Variants in SLC9A2 observed in about 807,000 individuals in gnomAD.
SLC9A2 encodes the protein solute carrier family 9 member A2.
SLC9A2 carries 42 observed loss-of-function variants against 71.7 expected under a neutral mutation model. The observed-to-expected ratio is 0.59, with a 90% confidence interval of 0.46 to 0.76. The LOEUF is 0.76. Ranked by LOEUF, SLC9A2 falls within the 30% of genes least tolerant of loss-of-function variation. The pLI is 0.00. For synonymous variants in SLC9A2, 396 were observed against 392.5 expected, an observed-to-expected ratio of 1.01 and a Z score of -0.10; for missense variants, 829 against 1,017.4, an observed-to-expected ratio of 0.81 and a Z score of 2.52.
In SLC9A2 at chr2:102,702,521, G is replaced by T. The variant is rs1469767825; in HGVS notation, c.1845+19G>T. The T allele has an allele frequency of 7.1e-7, 1 of 1,412,372 alleles. No homozygotes were observed. The highest frequency in any genetic ancestry group is 1.4e-5 in the African/African-American group (1 of 69,298). 87.5% of individuals were successfully genotyped at this position (1,412,372 alleles called of 1,614,324 possible). ...TCAGCGAGTAAGAATAATTTATGTA[G>T]CAAAATATTTACTTACCTTTGGCTA... On this transcript the variant is annotated intron_variant, in intron 9 of 11. Transcript: ENST00000233969.
intron 9 of SLC9A2, among the ~76,000 whole-genome samples, chr2:102,703,102 G>A (rs967767752): frequency 6.6e-6 from 1 of 152,178 alleles, no homozygotes; most frequent in East Asian, 1.9e-4. Flanking sequence ...GGGCCACACA[G>A]CTTGTCAGGA....
rs1239890609 is a variant in SLC9A2 at position 102,702,432 on chromosome 2, A to T, written c.1775A>T (p.Lys592Met). 2 of 1,596,138 alleles carry T rather than the reference A, an allele frequency of 1.3e-6. No individual in the cohort carries two copies. The highest frequency in any genetic ancestry group is 1.8e-5 in the Admixed American group (1 of 55,876). Reference sequence around the variant, plus strand: ...GATTGTCGTGAAGAAAAAATAAGGAAGGTCACGTCCAGTGAAACTGATGAA... The same window carrying T: ...GATTGTCGTGAAGAAAAAATAAGGATGGTCACGTCCAGTGAAACTGATGAA... ...LNDCREEKIR[K>M]VTSSETDEIR... The change falls in exon 9 of 12, where the codon AAG (lysine) becomes ATG (methionine). Residue 592 changes from lysine to methionine, a missense_variant. Coordinates refer to ENST00000233969, the MANE Select transcript of SLC9A2 (RefSeq NM_003048.6).
intron 1 of SLC9A2, among the ~76,000 whole-genome samples, chr2:102,637,873 G>T (rs1213887988): frequency 1.3e-5 from 2 of 152,226 alleles, no homozygotes; most frequent in Non-Finnish European, 2.9e-5. Context: ...AGATAGACAT[G>T]TAGCTGTCAG....
Position 102,704,623 on chromosome 2 carries a change from A to G in SLC9A2, c.1925A>G (p.His642Arg). ...AAGGAGATTCTGATTCGCCGGCGAC[A>G]CAGTTTGCGAGAAAGCATTAGGAAG... Reference protein sequence around the residue: ...QAKEILIRRRHSLRESIRKDS... With the variant: ...QAKEILIRRRRSLRESIRKDS... Residue 642 changes from histidine to arginine, a missense_variant, in exon 10 of 12, where the codon CAC becomes CGC. By Grantham distance (29) the His-to-Arg change is conservative. This residue lies in a region of SLC9A2 where 500 missense variants were observed against 726.3 expected (regional missense o/e 0.69). Coordinates refer to ENST00000233969, the MANE Select transcript of SLC9A2 (RefSeq NM_003048.6). 19 of 1,613,642 alleles carry G rather than the reference A, an allele frequency of 1.2e-5. No individual in the cohort carries two copies. Among genetic ancestry groups the G allele is most frequent in the Non-Finnish European group, 1.5e-5 (18 of 1,179,666 alleles).
chr2:102,665,773 TAAAA>T (rs11426516), intron 3 of SLC9A2, among the ~76,000 whole-genome samples: 67 of 38,766 alleles, frequency 1.7e-3, no homozygotes, highest in African/African-American at 3.9e-3. Flanking sequence ...GACTCTGTCT[TAAAA>T]AAAAAAAAAA....
In SLC9A2 at chr2:102,619,925, CG is replaced by C. The variant is rs2104491049; in HGVS notation, c.81del (p.Val29TrpfsTer9). On this transcript the variant is annotated frameshift_variant, in exon 1 of 12. Coordinates refer to ENST00000233969, the MANE Select transcript of SLC9A2 (RefSeq NM_003048.6). LOFTEE classifies it high-confidence loss of function. This position sits in a 1 kb window ranked among gnomAD's most constrained non-coding sequence, Gnocchi z 4.3. ...PMLLLLLLQVAGPVGALAETL... is the reference protein window; with the variant it reads ...PMLLLLLLQVXGPVGALAETL... ...CTGTTGCTGCTGCTCCTGCAGGTGGCGGGGCCCGTGGGCGCCCTGGCGGAGA... is the reference window on the plus strand; with the variant it reads ...CTGTTGCTGCTGCTCCTGCAGGTGGCGGGCCCGTGGGCGCCCTGGCGGAGA... 1.2e-6 allele frequency: 2 copies of C among 1,602,968 alleles called. No homozygotes were observed. The highest frequency in any genetic ancestry group is 2.3e-5 in the East Asian group (1 of 44,444).
chr2:102,656,148 G>A (rs779148584), intron 1 of SLC9A2, among the ~76,000 whole-genome samples: 1 of 152,184 alleles, frequency 6.6e-6, no homozygotes, highest in Non-Finnish European at 1.5e-5. Flanking sequence ...AAATAAGTGC[G>A]CTCCAAACTT....
intron 1 of SLC9A2, among the ~76,000 whole-genome samples, chr2:102,643,267 C>T (rs542944833): frequency 1.3e-5 from 2 of 152,246 alleles, no homozygotes; most frequent in South Asian, 2.1e-4. Context: ...CTCTTCTGCC[C>T]TTTTCCTTCT....
rs58636624 is a variant in SLC9A2 at position 102,632,095 on chromosome 2, T to TATATATACATATATATGTATATATAC, written c.289+11994_289+12019dup. Among the ~76,000 whole-genome samples the TATATATACATATATATGTATATATAC allele has an allele frequency of 2.9e-3, 369 of 128,558 alleles. 8 individuals carry two copies. In the East Asian group the frequency reaches 0.035, roughly 12 times the overall value. 84.3% of individuals were successfully genotyped at this position (128,558 alleles called of 152,430 possible). On this transcript the variant is annotated intron_variant, in intron 1 of 11. Transcript: ENST00000233969. ...ATATATACACACATATATATACACATATATATACATATATATGTATATATA... is the reference window on the plus strand; with the variant it reads ...ATATATACACACATATATATACACATATATATACATATATATGTATATATACATATATACATATATATGTATATATA...
chr2:102,690,763 C>T (rs1677643242), intron 5 of SLC9A2, among the ~76,000 whole-genome samples: 1 of 152,204 alleles, frequency 6.6e-6, no homozygotes, highest in South Asian at 2.1e-4. Flanking sequence ...ATCTCTGTGA[C>T]CAAGTGTGTG....
chr2:102,632,260 CCTAT>C (rs1456598082), intron 1 of SLC9A2, among the ~76,000 whole-genome samples: 6 of 129,920 alleles, frequency 4.6e-5, no homozygotes, highest in Non-Finnish European at 6.3e-5. Context: ...ATATATTTGC[CCTAT>C]CTGTTTAATA....
At chr2:102,630,796 C>T (rs974774488) in intron 1 of SLC9A2, among the ~76,000 whole-genome samples, 13 of 151,746 alleles carry the variant, frequency 8.6e-5, no homozygotes, top group African/African-American at 1.5e-4. Context: ...TGTTGCATTA[C>T]GTAATTATAG....
Position 102,708,353 on chromosome 2 carries a change from T to C in SLC9A2, c.2303T>C (p.Leu768Pro). ...QTSGLLQQPL[L>P]SKDQSGSERE... Reference sequence around the variant, plus strand: ...TCAGGCTTACTACAGCAGCCCCTTCTCTCTAAAGACCAGTCTGGCTCAGAG... The same window carrying C: ...TCAGGCTTACTACAGCAGCCCCTTCCCTCTAAAGACCAGTCTGGCTCAGAG... The change falls in exon 12 of 12, where the codon CTC becomes CCC. Residue 768 changes from leucine (L) to proline (P), a missense_variant. Leu to Pro is a moderately conservative substitution (Grantham distance 98, BLOSUM62 -3). This residue lies in a region of SLC9A2 where 223 missense variants were observed against 197.5 expected (regional missense o/e 1.13). Transcript: ENST00000233969. 6.2e-7 allele frequency: 1 copy of C among 1,614,078 alleles called. No homozygotes were observed.
intron 3 of SLC9A2, among the ~76,000 whole-genome samples, chr2:102,672,147 T>C (rs6733409): frequency 0.67 from 101,087 of 151,962 alleles, 34,392 homozygotes; most frequent in East Asian, 0.86. Flanking sequence ...TAAAAATATA[T>C]AGCAGATTTT....
intron 3 of SLC9A2, among the ~76,000 whole-genome samples, chr2:102,674,873 A>G (rs1428995278): frequency 6.6e-6 from 1 of 152,176 alleles, no homozygotes; most frequent in African/African-American, 2.4e-5. Context: ...TTGGTTAGCC[A>G]TCTCCAAAGC....
intron 2 of SLC9A2, among the ~76,000 whole-genome samples, chr2:102,664,353 C>A (rs72997670): frequency 6.6e-6 from 1 of 150,742 alleles, no homozygotes; most frequent in Non-Finnish European, 1.5e-5. Flanking sequence ...TTCTTTGTAA[C>A]AAAATGTAAG....
intron 1 of SLC9A2, among the ~76,000 whole-genome samples, chr2:102,649,879 T>C (rs551998908): frequency 1.9e-4 from 29 of 152,222 alleles, no homozygotes; most frequent in Admixed American, 1.2e-3. Context: ...GGAGTGTAAA[T>C]TAGTTCAACC....
chr2:102,621,575 G>A (rs2104492634), intron 1 of SLC9A2, among the ~76,000 whole-genome samples: 1 of 152,204 alleles, frequency 6.6e-6, no homozygotes, highest in East Asian at 1.9e-4. Context: ...AAGTTGTTAG[G>A]TCCAAAGAAT....
intron 1 of SLC9A2, among the ~76,000 whole-genome samples, chr2:102,644,297 T>A (rs938501277): frequency 6.6e-6 from 1 of 152,130 alleles, no homozygotes; most frequent in Non-Finnish European, 1.5e-5. Flanking sequence ...GATACTACAC[T>A]TTTCCCTTGG....
Sources: gnomAD v4.1 joint callset for allele counts (sites outside exome capture counted in the v4.1 genomes callset) on GRCh38, gnomAD v4.1.1 for gene constraint, gnomAD v4.1.1 regional missense constraint, Gnocchi (gnomAD v3.1) non-coding constraint, MANE v1.5 for transcripts, NCBI Gene and HGNC (gene_info 2026-07-23, HGNC 2026-07-21) for gene names.